Variants in LETMD1 observed in about 807,000 individuals in gnomAD.
LETMD1 encodes the protein LETM1 domain containing 1.
In LETMD1, 30 loss-of-function variants were observed where a neutral mutation model predicts 43.9. That is an observed-to-expected ratio of 0.68 (90% CI 0.51 to 0.93). LETMD1 has a LOEUF of 0.93. Among genes scored for constraint, LETMD1 ranks in the 40% least tolerant of loss-of-function variants. LETMD1 has a pLI of 0.00. For synonymous variants in LETMD1, 176 were observed against 163.1 expected, an observed-to-expected ratio of 1.08 and a Z score of -0.60; for missense variants, 413 against 447.7, an observed-to-expected ratio of 0.92 and a Z score of 0.70.
At chr12:51,067,928 G>T in the LETMD1 span, 4 of 1,614,022 alleles carry the variant, frequency 2.5e-6, no homozygotes, top group South Asian at 2.2e-5. This position sits in a 1 kb window ranked among gnomAD's most constrained non-coding sequence, Gnocchi z 4.1. Flanking sequence ...CCAGCGTCAG[G>T]CCATCAGCCT....
chr12:51,067,770 C>T, the LETMD1 span: 4 of 1,614,188 alleles, frequency 2.5e-6, no homozygotes, highest in East Asian at 2.2e-5. The surrounding 1 kb of genome is among the most constrained non-coding windows in gnomAD (Gnocchi z 4.1). Context: ...GCGGATGGCT[C>T]GAAGTTCTTG....
intron 8 of LETMD1, chr12:51,058,956 G>C: frequency 4.5e-6 from 1 of 222,070 alleles, no homozygotes; most frequent in South Asian, 7.1e-5. Flanking sequence ...GCATCTGAGG[G>C]TATGTATTAG....
chr12:51,053,992 AT>A, intron 4 of LETMD1, 132 bp downstream of exon 4: 1 of 698,120 alleles, frequency 1.4e-6, no homozygotes, highest in East Asian at 2.6e-5. Context: ...TCTTCTCATT[AT>A]TCCAAGGTTC....
At chr12:51,068,006 G>A in the LETMD1 span, 2 of 1,591,352 alleles carry the variant, frequency 1.3e-6, no homozygotes, top group Non-Finnish European at 8.6e-7. Flanking sequence ...TCATAGACAT[G>A]AGCGGCATGC....
rs1178312718 is a variant in LETMD1 at position 51,048,364 on chromosome 12, T to C, written c.8T>C (p.Leu3Pro). The change falls in exon 1 of 9, where the codon CTC (leucine) becomes CCC (proline). Residue 3 changes from leucine (L) to proline (P), a missense_variant. Coordinates refer to ENST00000262055, the MANE Select transcript of LETMD1 (RefSeq NM_015416.5). Reference sequence around the variant, plus strand: ...GCTTCTCTCGCTGTGAAGATGGCGCTCTCCAGGGTGTGCTGGGCTCGGTCG... The same window carrying C: ...GCTTCTCTCGCTGTGAAGATGGCGCCCTCCAGGGTGTGCTGGGCTCGGTCG... MA[L>P]SRVCWARSAV... 1.2e-6 allele frequency: 2 copies of C among 1,613,932 alleles called. No homozygotes were observed. Among genetic ancestry groups the C allele is most frequent in the African/African-American group, 1.3e-5 (1 of 74,884 alleles).
At position 51,049,188 on chromosome 12, in the gene LETMD1, A is replaced by G; in HGVS notation, c.274+3A>G. The G allele has an allele frequency of 6.2e-7, 1 of 1,607,948 alleles. No individual in the cohort carries two copies. The highest frequency in any genetic ancestry group is 8.5e-7 in the Non-Finnish European group (1 of 1,176,826). ...CCTGTACACAATCTTCATGAAAGGT[A>G]AAAACGAAACTACAATAGAAATTCC... On this transcript the variant is annotated splice_donor_region_variant and intron_variant, in intron 2 of 8. Coordinates refer to ENST00000262055, the MANE Select transcript of LETMD1 (RefSeq NM_015416.5).
At position 51,048,456 on chromosome 12, in the gene LETMD1, G is replaced by C; in HGVS notation, c.100G>C (p.Gly34Arg). Residue 34 changes from glycine to arginine, a missense_variant, in exon 1 of 9, where the codon GGC (glycine) becomes CGC (arginine). Gly to Arg is a moderately radical substitution (Grantham distance 125). Coordinates refer to ENST00000262055, the MANE Select transcript of LETMD1 (RefSeq NM_015416.5). ...VTRRLQLGRS[G>R]LAWGAPRSSK... ...CCGGAGGCTGCAACTTGGTCGCTCT[G>C]GCCTGGCTTGGGGGGCCCCTCGGTG... The C allele has an allele frequency of 6.2e-7, 1 of 1,613,858 alleles. No homozygotes were observed.
intron 1 of LETMD1, 37 bp downstream of exon 1, chr12:51,048,515 C>G (rs1250931779): frequency 1.9e-6 from 3 of 1,607,676 alleles, no homozygotes; most frequent in Non-Finnish European, 2.5e-6. Context: ...TTTTTGACGT[C>G]CAGGCTCTTT....
At chr12:51,063,479 T>C (rs978075838), downstream of LETMD1, 7 of 252,018 alleles carry the variant, frequency 2.8e-5, no homozygotes, top group Non-Finnish European at 3.8e-5. Flanking sequence ...CCTAGTTCTT[T>C]GTTCCAGTGG....
intron 4 of LETMD1, among the ~76,000 whole-genome samples, chr12:51,055,093 C>G (rs746263637): frequency 1.3e-5 from 2 of 151,612 alleles, no homozygotes; most frequent in African/African-American, 2.4e-5. Context: ...GAGCGAGACT[C>G]TGTCTCAAAA....
At chr12:51,048,860 T>C (rs1376024409) in intron 1 of LETMD1, 174 bp from the exon 2 acceptor site, 4 of 652,632 alleles carry the variant, frequency 6.1e-6, no homozygotes, top group Non-Finnish European at 7.8e-6. Context: ...TTGCCTGATT[T>C]GTGTTTCACA....
chr12:51,056,172 A>T lies in LETMD1; in HGVS notation c.689A>T (p.His230Leu). The T allele has an allele frequency of 6.2e-7, 1 of 1,614,234 alleles. No individual in the cohort carries two copies. The highest frequency in any genetic ancestry group is 8.5e-7 in the Non-Finnish European group (1 of 1,180,032). Reference protein sequence around the residue: ...KIQRGTHPAIHDILALRECFS... With the variant: ...KIQRGTHPAILDILALRECFS... ...CAGCGTGGTACCCACCCAGCAATAC[A>T]TGATATCTTGGCTCTGAGAGAGTGT... is the stretch of plus-strand genomic sequence containing the variant. The change falls in exon 6 of 9, where the codon CAT (histidine) becomes CTT (leucine). Residue 230 changes from histidine to leucine, a missense_variant. Physicochemically the swap from His to Leu is moderately conservative, Grantham distance 99 (BLOSUM62 -3). Transcript: ENST00000262055.
At chr12:51,065,619 G>A in the LETMD1 span, among the ~76,000 whole-genome samples, 10 of 151,968 alleles carry the variant, frequency 6.6e-5, no homozygotes, top group South Asian at 2.1e-4. Context: ...CACCGCGCCC[G>A]GCCCTAATTT....
downstream of LETMD1, chr12:51,062,716 C>T (rs1937699487): frequency 6.6e-6 from 1 of 152,124 alleles, no homozygotes; most frequent in African/African-American, 2.4e-5. Flanking sequence ...GAGGGTAGAT[C>T]CAGGAAAAAA....
intron 7 of LETMD1, among the ~76,000 whole-genome samples, chr12:51,057,264 T>C (rs781331956): frequency 6.6e-6 from 1 of 151,796 alleles, no homozygotes; most frequent in Admixed American, 6.6e-5. Context: ...AAAATAAAAT[T>C]ATTTTTTATT....
chr12:51,050,646 GTAT>G (rs1264336598), intron 2 of LETMD1, among the ~76,000 whole-genome samples: 1 of 152,012 alleles, frequency 6.6e-6, no homozygotes. Context: ...CTTGCCTTAT[GTAT>G]TATTTTGAAG....
At chr12:51,051,002 A>G (rs951543889) in intron 2 of LETMD1, among the ~76,000 whole-genome samples, 1 of 151,538 alleles carries the variant, frequency 6.6e-6, no homozygotes, top group Non-Finnish European at 1.5e-5. Context: ...AACAACAGTG[A>G]AACTCCCATC....
rs2136694328 is a variant in LETMD1 at position 51,056,481 on chromosome 12, G to T, written c.894G>T (p.Leu298=). The part of the protein sequence containing the change: ...KALAKLGIGQ[L]TAQEVKSACY... The stretch of plus-strand genomic sequence containing the variant: ...TGGCAAAGCTGGGGATTGGCCAGCT[G>T]ACTGCTCAGGAAGTAAAATCGGTAA... The change falls in exon 7 of 9, where the codon CTG becomes CTT. Residue 298 remains leucine, a synonymous_variant. Coordinates refer to ENST00000262055, the MANE Select transcript of LETMD1 (RefSeq NM_015416.5). 1 of 1,614,138 alleles carries T rather than the reference G, an allele frequency of 6.2e-7. No homozygotes were observed. Among genetic ancestry groups the T allele is most frequent in the East Asian group, 2.2e-5 (1 of 44,886 alleles).
At position 51,055,828 on chromosome 12, in the gene LETMD1, C is replaced by T. The variant is rs755824336; in HGVS notation, c.474-7C>T. The T allele has an allele frequency of 2.5e-6, 4 of 1,584,722 alleles. No homozygotes were observed. The Admixed American group carries it at 7.3e-5, about 29-fold the overall frequency. ...GCAAGTGAGTTTGTGATTCTTTCTC[C>T]TTTCAGGTACCTGTTTCCCAGGCAA... On this transcript the variant is annotated splice_polypyrimidine_tract_variant and splice_region_variant and intron_variant, in intron 4 of 8. Coordinates refer to ENST00000262055, the MANE Select transcript of LETMD1 (RefSeq NM_015416.5).
Sources: allele counts gnomAD v4.1 joint callset (sites outside exome capture counted in the v4.1 genomes callset), GRCh38; gene constraint gnomAD v4.1.1; non-coding constraint Gnocchi (gnomAD v3.1); transcripts MANE v1.5; gene names NCBI Gene and HGNC (gene_info 2026-07-23, HGNC 2026-07-21).